The following MDGA2 variants were observed in gnomAD, a reference collection of about 807,000 sequenced individuals.
MDGA2 encodes MAM domain containing glycosylphosphatidylinositol anchor 2.
Under a neutral mutation model 117.8 loss-of-function variants are expected in MDGA2, and 40 were observed. The ratio of observed to expected loss-of-function variants is 0.34; its 90% CI spans 0.26 to 0.44. The LOEUF is 0.44. Among genes scored for constraint, MDGA2 ranks in the 20% least tolerant of loss-of-function variants. The probability of loss-of-function intolerance (pLI) is 1.00; values close to 1 mark genes in which losing one functional copy is unlikely to be tolerated. For synonymous variants in MDGA2, 452 were observed against 439.0 expected (o/e 1.03, Z -0.37); for missense variants, 1,123 against 1,250.6 (o/e 0.90, Z 1.54).
At chr14:47,082,249 A>T (rs1890733694) in intron 6 of MDGA2, among the ~76,000 whole-genome samples, 1 of 151,798 alleles carries the variant, frequency 6.6e-6, no homozygotes, top group African/African-American at 2.4e-5. Flanking sequence ...AAGAAAAACC[A>T]ATGAGATTTT....
intron 7 of MDGA2, among the ~76,000 whole-genome samples, chr14:47,055,152 A>G (rs2138749682): frequency 6.6e-6 from 1 of 152,070 alleles, no homozygotes. Context: ...CTGTTTGGGA[A>G]ACAGGAAAAG....
At chr14:47,422,880 T>C (rs1016223773) in intron 1 of MDGA2, among the ~76,000 whole-genome samples, 2 of 152,166 alleles carry the variant, frequency 1.3e-5, no homozygotes, top group Non-Finnish European at 2.9e-5. Context: ...TAGAAACATA[T>C]GATCGATAAA....
At chr14:47,536,493 T>C (rs1332696398) in intron 1 of MDGA2, among the ~76,000 whole-genome samples, 1 of 152,226 alleles carries the variant, frequency 6.6e-6, no homozygotes, top group East Asian at 1.9e-4. Flanking sequence ...AAGCATTTTG[T>C]CACTTAAGAG....
At chr14:46,976,334 C>A (rs1401668409) in intron 8 of MDGA2, among the ~76,000 whole-genome samples, 1 of 152,000 alleles carries the variant, frequency 6.6e-6, no homozygotes, top group East Asian at 1.9e-4. Context: ...CATCAATGAA[C>A]CACTGTTACA....
At chr14:47,149,587 T>C (rs1462946678) in intron 3 of MDGA2, among the ~76,000 whole-genome samples, 2 of 152,228 alleles carry the variant, frequency 1.3e-5, no homozygotes, top group South Asian at 2.1e-4. Flanking sequence ...CTGGAACTTA[T>C]ATGACATATT....
At chr14:47,519,023 G>A (rs1400497643) in intron 1 of MDGA2, among the ~76,000 whole-genome samples, 1 of 152,036 alleles carries the variant, frequency 6.6e-6, no homozygotes, top group African/African-American at 2.4e-5. Flanking sequence ...GGCAAACATG[G>A]TGAAACCCCG....
intron 3 of MDGA2, among the ~76,000 whole-genome samples, chr14:47,161,798 T>C (rs1883645556): frequency 1.3e-5 from 2 of 151,856 alleles, no homozygotes; most frequent in Non-Finnish European, 2.9e-5. Context: ...TTATATTTTG[T>C]TTTCGTTGAT....
intron 3 of MDGA2, among the ~76,000 whole-genome samples, chr14:47,170,649 T>C (rs1884085290): frequency 6.6e-6 from 1 of 152,166 alleles, no homozygotes; most frequent in African/African-American, 2.4e-5. Flanking sequence ...TATATTTAAT[T>C]AGAACTTTAA....
intron 4 of MDGA2, among the ~76,000 whole-genome samples, chr14:47,143,841 T>C (rs1882825369): frequency 6.6e-6 from 1 of 152,158 alleles, no homozygotes; most frequent in South Asian, 2.1e-4. Flanking sequence ...TAAAAAAAAG[T>C]TAGGACATAG....
At chr14:47,281,792 C>A (rs993223544) in intron 2 of MDGA2, among the ~76,000 whole-genome samples, 1 of 152,118 alleles carries the variant, frequency 6.6e-6, no homozygotes, top group Admixed American at 6.5e-5. Context: ...CACAGTGACT[C>A]ATGCCTGTAA....
At chr14:47,301,370 G>C (rs2139812610) in intron 2 of MDGA2, 41 bp downstream of exon 2, 2 of 1,546,986 alleles carry the variant, frequency 1.3e-6, no homozygotes, top group East Asian at 4.9e-5. Context: ...TCTGAGAAAA[G>C]TCAGAGAATG....
intron 3 of MDGA2, among the ~76,000 whole-genome samples, chr14:47,201,443 C>A (rs923214303): frequency 6.6e-6 from 1 of 152,144 alleles, no homozygotes; most frequent in African/African-American, 2.4e-5. Context: ...GGCCTCCCAT[C>A]TCCTGTTCTT....
chr14:47,123,590 T>G (rs1881756234), intron 5 of MDGA2, among the ~76,000 whole-genome samples: 1 of 152,000 alleles, frequency 6.6e-6, no homozygotes, highest in African/African-American at 2.4e-5. Flanking sequence ...AATAAACCAT[T>G]ATCAATTTCA....
intron 3 of MDGA2, chr14:47,200,548 TTGAGGAGTTAACAGTC>T: frequency 1.7e-6 from 1 of 604,232 alleles, no homozygotes; most frequent in Non-Finnish European, 2.5e-6. Flanking sequence ...TTTTTTTTTT[TTGAGGAGTTAACAGTC>T]TTTATTGGGC....
chr14:47,660,826 A>T (rs980473788), intron 1 of MDGA2, among the ~76,000 whole-genome samples: 15 of 152,206 alleles, frequency 9.9e-5, no homozygotes, highest in African/African-American at 3.6e-4. Context: ...TAGTAGAACC[A>T]TTTCTTCATT....
intron 1 of MDGA2, among the ~76,000 whole-genome samples, chr14:47,586,358 G>C (rs553083602): frequency 6.6e-6 from 1 of 151,948 alleles, no homozygotes; most frequent in East Asian, 1.9e-4. Context: ...CATGGTTCCT[G>C]TTTCAGTGGT....
chr14:47,261,633 A>G (rs180952799), intron 2 of MDGA2, among the ~76,000 whole-genome samples: 1 of 152,286 alleles, frequency 6.6e-6, no homozygotes, highest in African/African-American at 2.4e-5. Context: ...ACCTTTAGGA[A>G]GAAATCTCAC....
chr14:47,350,246 C>T (rs930134223), intron 1 of MDGA2, among the ~76,000 whole-genome samples: 1 of 152,172 alleles, frequency 6.6e-6, no homozygotes, highest in Non-Finnish European at 1.5e-5. Context: ...CACCCAAGGG[C>T]ACTAGCGCAT....
intron 8 of MDGA2, among the ~76,000 whole-genome samples, chr14:47,021,367 T>C (rs966149583): frequency 1.3e-5 from 2 of 152,182 alleles, no homozygotes; most frequent in Non-Finnish European, 2.9e-5. Context: ...CATCATCCTT[T>C]ATAAACTTTC....
Sources: gnomAD v4.1 joint callset for allele counts (sites outside exome capture counted in the v4.1 genomes callset) on GRCh38, gnomAD v4.1.1 for gene constraint, MANE v1.5 for transcripts, NCBI Gene and HGNC (gene_info 2026-07-23, HGNC 2026-07-21) for gene names.